Variants in SCN9A observed in about 807,000 individuals in gnomAD.
The protein encoded by SCN9A is sodium channel protein type 9 subunit alpha.
SCN9A carries 131 observed loss-of-function variants against 187.0 expected under a neutral mutation model. That is an observed-to-expected ratio of 0.70 (90% CI 0.61 to 0.81). SCN9A has a LOEUF of 0.81. Ranked by LOEUF, SCN9A falls within the 30% of genes least tolerant of loss-of-function variation. The probability of loss-of-function intolerance (pLI) is 0.00; values close to 1 mark genes in which losing one functional copy is unlikely to be tolerated. For synonymous variants in SCN9A, 809 were observed against 808.6 expected, an observed-to-expected ratio of 1.00 and a Z score of -0.01; for missense variants, 2,252 against 2,396.6, an observed-to-expected ratio of 0.94 and a Z score of 1.26.
intron 24 of SCN9A, among the ~76,000 whole-genome samples, chr2:166,219,614 A>G (rs1008570309): frequency 6.6e-5 from 10 of 152,060 alleles, no homozygotes; most frequent in African/African-American, 1.4e-4. Context: ...AAAATAACCA[A>G]TGCATACTGG....
intron 1 of SCN9A, among the ~76,000 whole-genome samples, chr2:166,370,216 T>TC (rs1202316577): frequency 0.044 from 5,567 of 126,192 alleles, 184 homozygotes; most frequent in African/African-American, 0.1. Flanking sequence ...ATAATAATAA[T>TC]AATAATAATA....
Position 166,284,730 on chromosome 2 carries a change from G to C in SCN9A, c.1697C>G (p.Ser566Cys), listed in dbSNP as rs200475057. Reference sequence around the variant, plus strand: ...CTCATCATCGGCAAATTCAGTCTCAGATCCTATATCTCTTCCTCTGCCTTT... The same window carrying C: ...CTCATCATCGGCAAATTCAGTCTCACATCCTATATCTCTTCCTCTGCCTTT... The part of the protein sequence containing the change: ...SFKGRGRDIG[S>C]ETEFADDEHS... The change falls in exon 12 of 27, where the codon TCT (serine) becomes TGT (cysteine). Residue 566 changes from serine to cysteine, a missense_variant. By Grantham distance (112) the Ser-to-Cys change is moderately radical (BLOSUM62 -1). This residue lies in a region of SCN9A where 1,013 missense variants were observed against 997.4 expected (regional missense o/e 1.02). Coordinates refer to ENST00000642356, the MANE Select transcript of SCN9A (RefSeq NM_001365536.1). The C allele has an allele frequency of 1.2e-6, 2 of 1,613,944 alleles. No individual in the cohort carries two copies. Among genetic ancestry groups the C allele is most frequent in the Non-Finnish European group, 1.7e-6 (2 of 1,179,878 alleles).
chr2:166,286,495 CTTTCTTCTG>C lies in SCN9A; in HGVS notation c.1434_1442del (p.Asn478_Arg480del), dbSNP rs761959106. 1 of 1,613,680 alleles carries C rather than the reference CTTTCTTCTG, an allele frequency of 6.2e-7. No homozygotes were observed. The highest frequency in any genetic ancestry group is 8.5e-7 in the Non-Finnish European group (1 of 1,179,794). Reference sequence around the variant, plus strand: ...TGGAGAGCTTCTTTTGATTCTTTTTCTTTCTTCTGTTTCTTCTTTCTTTAGCACTTTTAG... The same window carrying C: ...TGGAGAGCTTCTTTTGATTCTTTTTCTTTCTTCTTTCTTTAGCACTTTTAG... On this transcript the variant is annotated inframe_deletion, in exon 11 of 27. Coordinates refer to ENST00000642356, the MANE Select transcript of SCN9A (RefSeq NM_001365536.1).
chr2:166,343,959 T>C (rs961870421), intron 1 of SCN9A, among the ~76,000 whole-genome samples: 1 of 152,196 alleles, frequency 6.6e-6, no homozygotes, highest in East Asian at 1.9e-4. Context: ...AACCACTCAA[T>C]ACATATTAAA....
chr2:166,332,679 T>C lies in SCN9A; in HGVS notation c.-50-20873A>G, dbSNP rs1047020889. 9.2e-5 allele frequency among the ~76,000 whole-genome samples: 14 copies of C among 152,228 alleles called. No individual in the cohort carries two copies. In the East Asian group the frequency reaches 9.7e-4, roughly 11 times the overall value. On this transcript the variant is annotated intron_variant, in intron 1 of 26. Coordinates refer to ENST00000642356, the MANE Select transcript of SCN9A (RefSeq NM_001365536.1). ...TTTTGCTCATTATCTTTATTAATAA[T>C]ATTTCTGCAATATCCACAGTCCAAA... is the stretch of plus-strand genomic sequence containing the variant.
chr2:166,355,855 C>A (rs1009996245), intron 1 of SCN9A, among the ~76,000 whole-genome samples: 1 of 151,598 alleles, frequency 6.6e-6, no homozygotes, highest in Non-Finnish European at 1.5e-5. Flanking sequence ...TCACTATAAC[C>A]TCTGCCTCCT....
intron 23 of SCN9A, 117 bp downstream of exon 23, chr2:166,227,553 G>A: frequency 2.9e-6 from 2 of 690,822 alleles, no homozygotes; most frequent in Middle Eastern, 2.5e-4. Context: ...TCAGGTGGAT[G>A]TTCTTCATTG....
At chr2:166,222,142 GA>G (rs1263136610) in intron 24 of SCN9A, among the ~76,000 whole-genome samples, 1 of 151,998 alleles carries the variant, frequency 6.6e-6, no homozygotes, top group Non-Finnish European at 1.5e-5. Flanking sequence ...AAAGCTTTGG[GA>G]AAAAAAGGAA....
intron 24 of SCN9A, among the ~76,000 whole-genome samples, chr2:166,214,350 C>T (rs1234762978): frequency 1.3e-5 from 2 of 152,072 alleles, no homozygotes; most frequent in Non-Finnish European, 2.9e-5. Context: ...ACACGTTTTC[C>T]AGCCGCTCCC....
At chr2:166,206,772 A>G (rs997631733) in intron 24 of SCN9A, among the ~76,000 whole-genome samples, 1 of 152,160 alleles carries the variant, frequency 6.6e-6, no homozygotes, top group Admixed American at 6.5e-5. Flanking sequence ...AACTAAAATG[A>G]TAATATACAT....
chr2:166,207,195 T>C (rs1408745869), intron 24 of SCN9A, among the ~76,000 whole-genome samples: 1 of 152,212 alleles, frequency 6.6e-6, no homozygotes, highest in African/African-American at 2.4e-5. Context: ...AAGAATTTAT[T>C]TTCAAGGATT....
chr2:166,236,200 T>A (rs555759944), intron 20 of SCN9A, among the ~76,000 whole-genome samples: 3 of 152,242 alleles, frequency 2.0e-5, no homozygotes, highest in African/African-American at 7.2e-5. Context: ...TCATTTTTCA[T>A]TTTTTAGGCA....
chr2:166,349,724 G>T lies in SCN9A; in HGVS notation c.-51+25973C>A, dbSNP rs144747253. Among the ~76,000 whole-genome samples, 1,200 of 152,244 alleles carry T rather than the reference G, an allele frequency of 7.9e-3. 25 individuals carry two copies. Among genetic ancestry groups the T allele is most frequent in the African/African-American group, 0.027 (1,130 of 41,546 alleles). On this transcript the variant is annotated intron_variant, in intron 1 of 26. Transcript: ENST00000642356. ...ATGGTGGCTCACGCCTGTAATCCCA[G>T]CACTTTGGAAGGCCGAGGCAGGTGG...
Position 166,251,844 on chromosome 2 carries a change from A to G in SCN9A, c.3393T>C (p.Asp1131=), listed in dbSNP as rs1370223089. 3 of 1,612,524 alleles carry G rather than the reference A, an allele frequency of 1.9e-6. No homozygotes were observed. ...RSSSSECSTV[D]NPLPGEGEEA... ...CTTCTCCTTCTCCAGGCAAAGGGTT[A>G]TCAACTGTGCTGCACTCTGAGGAGC... Residue 1131 remains aspartate (D), a synonymous_variant, in exon 18 of 27, where the codon GAT becomes GAC. Coordinates refer to ENST00000642356, the MANE Select transcript of SCN9A (RefSeq NM_001365536.1).
chr2:166,334,111 CT>C (rs1164871495), intron 1 of SCN9A, among the ~76,000 whole-genome samples: 1 of 152,004 alleles, frequency 6.6e-6, no homozygotes, highest in Non-Finnish European at 1.5e-5. Context: ...TTTGTGAGAC[CT>C]TTTCTTCAGA....
intron 1 of SCN9A, among the ~76,000 whole-genome samples, chr2:166,353,098 T>C (rs1700078358): frequency 6.6e-6 from 1 of 151,706 alleles, no homozygotes; most frequent in African/African-American, 2.4e-5. Flanking sequence ...CTAATGTCTG[T>C]AATCCCAGCA....
intron 1 of SCN9A, among the ~76,000 whole-genome samples, chr2:166,357,047 T>G (rs1378897796): frequency 6.6e-6 from 1 of 152,184 alleles, no homozygotes; most frequent in Non-Finnish European, 1.5e-5. Context: ...TTCTACATCT[T>G]ATTTCATCAC....
intron 24 of SCN9A, among the ~76,000 whole-genome samples, chr2:166,207,992 G>A (rs1693897931): frequency 6.6e-6 from 1 of 152,138 alleles, no homozygotes; most frequent in Non-Finnish European, 1.5e-5. Flanking sequence ...AATAGATTTT[G>A]TTTTCCCCTA....
intron 1 of SCN9A, among the ~76,000 whole-genome samples, chr2:166,366,753 C>A (rs1700426806): frequency 6.6e-6 from 1 of 152,096 alleles, no homozygotes; most frequent in African/African-American, 2.4e-5. Flanking sequence ...GATAAGCTAC[C>A]AATCCACAAA....
Sources: allele counts gnomAD v4.1 joint callset (sites outside exome capture counted in the v4.1 genomes callset), GRCh38; gene constraint gnomAD v4.1.1; regional missense constraint gnomAD v4.1.1; transcripts MANE v1.5; gene names NCBI Gene and HGNC (gene_info 2026-07-23, HGNC 2026-07-21).